NCAM2: variants seen among roughly 807,000 people sequenced by gnomAD.
NCAM2 encodes the protein neural cell adhesion molecule 2.
NCAM2 carries 30 observed loss-of-function variants against 98.1 expected under a neutral mutation model. The ratio of observed to expected loss-of-function variants is 0.31; its 90% CI spans 0.23 to 0.41. The LOEUF (loss-of-function observed/expected upper bound fraction) is 0.41. Ranked by LOEUF, NCAM2 falls within the 10% of genes least tolerant of loss-of-function variation. NCAM2 has a pLI of 1.00. For missense variants in NCAM2, 867 were observed against 1,005.8 expected (o/e 0.86, Z 1.87); for synonymous variants, 368 against 342.4 (o/e 1.07, Z -0.83).
At chr21:21,111,669 AGATTTG>A (rs1343167793) in intron 1 of NCAM2, among the ~76,000 whole-genome samples, 1 of 152,188 alleles carries the variant, frequency 6.6e-6, no homozygotes, top group African/African-American at 2.4e-5. Context: ...GATGCTTGGT[AGATTTG>A]GTGGAAGGGG....
chr21:21,153,750 A>G (rs559357397), intron 1 of NCAM2, among the ~76,000 whole-genome samples: 3 of 151,902 alleles, frequency 2.0e-5, no homozygotes, highest in African/African-American at 2.4e-5. Flanking sequence ...GTATTGAATG[A>G]TGGAGCTATG....
chr21:21,491,241 A>C (rs1986820983), intron 15 of NCAM2, among the ~76,000 whole-genome samples: 1 of 151,836 alleles, frequency 6.6e-6, no homozygotes, highest in Non-Finnish European at 1.5e-5. Context: ...TCTTCATAAA[A>C]ACATCGATCT....
intron 8 of NCAM2, among the ~76,000 whole-genome samples, chr21:21,365,797 T>G (rs1398605547): frequency 6.6e-6 from 1 of 152,024 alleles, no homozygotes; most frequent in Admixed American, 6.6e-5. Flanking sequence ...TTGGACGGGA[T>G]TAGTAGCATA....
chr21:21,303,702 G>A (rs149975687), intron 5 of NCAM2, among the ~76,000 whole-genome samples: 3 of 152,146 alleles, frequency 2.0e-5, no homozygotes, highest in Admixed American at 2.0e-4. Context: ...GTTTTCCAAA[G>A]TGATTGTACT....
intron 8 of NCAM2, among the ~76,000 whole-genome samples, chr21:21,362,522 A>G (rs1431592103): frequency 1.3e-5 from 2 of 151,962 alleles, no homozygotes; most frequent in Non-Finnish European, 2.9e-5. Flanking sequence ...CCTTCTGGGT[A>G]GCTGGGACTA....
chr21:21,530,175 T>A (rs5021235), intron 16 of NCAM2, among the ~76,000 whole-genome samples: 1 of 115,344 alleles, frequency 8.7e-6, no homozygotes, highest in Admixed American at 9.5e-5. Flanking sequence ...TTAATTTAAT[T>A]ATATATGATT....
chr21:21,198,283 A>G (rs554146300), intron 1 of NCAM2, among the ~76,000 whole-genome samples: 27 of 151,526 alleles, frequency 1.8e-4, no homozygotes, highest in African/African-American at 6.1e-4. Context: ...ACTGGATTCT[A>G]TCAATTTGCA....
chr21:21,369,992 C>G (rs2075878400), intron 8 of NCAM2, among the ~76,000 whole-genome samples: 1 of 151,574 alleles, frequency 6.6e-6, no homozygotes, highest in Non-Finnish European at 1.5e-5. Flanking sequence ...CTTTAACGAC[C>G]CCAAGTTTGA....
Position 21,398,651 on chromosome 21 carries a change from A to G in NCAM2, c.1196-11623A>G, listed in dbSNP as rs535992592. 3.9e-5 allele frequency among the ~76,000 whole-genome samples: 6 copies of G among 152,322 alleles called. No homozygotes were observed. The South Asian group carries it at 8.3e-4, about 21-fold the overall frequency. ...ATCTTTAAAAGGTTTTAAGCAGGAT[A>G]GTTACATTTGCTTAAAGTAGAAACT... On this transcript the variant is annotated intron_variant, in intron 9 of 17. Transcript: ENST00000400546.
chr21:21,178,186 T>A (rs2068356684), intron 1 of NCAM2, among the ~76,000 whole-genome samples: 1 of 152,272 alleles, frequency 6.6e-6, no homozygotes, highest in South Asian at 2.1e-4. Context: ...TCACATTTTT[T>A]AAATCAAAGC....
intron 1 of NCAM2, among the ~76,000 whole-genome samples, chr21:21,181,323 A>G (rs539137099): frequency 3.3e-5 from 5 of 152,122 alleles, no homozygotes; most frequent in Non-Finnish European, 7.4e-5. Flanking sequence ...CTGTCTCTTT[A>G]CCGACTTACC....
chr21:21,327,270 T>C (rs1033396267), intron 6 of NCAM2, among the ~76,000 whole-genome samples: 1 of 119,820 alleles, frequency 8.3e-6, no homozygotes, highest in Non-Finnish European at 1.6e-5. Flanking sequence ...TTCGCGCCAC[T>C]ACACTCCAGC....
At chr21:21,226,524 T>G (rs1332377857) in intron 1 of NCAM2, 1 of 152,060 alleles carries the variant, frequency 6.6e-6, no homozygotes, top group African/African-American at 2.4e-5. Context: ...CACAGGCAGT[T>G]TTGTTGGACT....
Position 21,542,550 on chromosome 21 carries a change from T to G in NCAM2, c.*4593T>G, listed in dbSNP as rs1275410445. On this transcript the variant is annotated 3_prime_UTR_variant, in exon 18 of 18. Coordinates refer to ENST00000400546, the MANE Select transcript of NCAM2 (RefSeq NM_004540.5). ...TTTTTTCTTTTCTGAAATGAAAACA[T>G]GAATCTTTTGGCATCTGTTTTTAGC... 2 of 151,870 alleles carry G rather than the reference T, an allele frequency of 1.3e-5. No individual in the cohort carries two copies. Among genetic ancestry groups the G allele is most frequent in the Non-Finnish European group, 2.9e-5 (2 of 67,864 alleles). The allele number at this position is 151,870 out of a possible 1,614,324, so 9.4% of individuals were successfully genotyped here.
chr21:21,104,936 A>G lies in NCAM2; in HGVS notation c.55+106318A>G, dbSNP rs116276227. 7.0e-3 allele frequency among the ~76,000 whole-genome samples: 1,069 copies of G among 152,208 alleles called. 13 individuals carry two copies. Among genetic ancestry groups the G allele is most frequent in the African/African-American group, 0.024 (987 of 41,526 alleles). On this transcript the variant is annotated intron_variant, in intron 1 of 17. Transcript: ENST00000400546. Reference sequence around the variant, plus strand: ...TGGGAGCAGCCCAGTGGGGAGGTTTACAAGGAGAAAAACTGAAATCTCTGC... The same window carrying G: ...TGGGAGCAGCCCAGTGGGGAGGTTTGCAAGGAGAAAAACTGAAATCTCTGC...
rs565772959 is a variant in NCAM2 at position 21,542,351 on chromosome 21, T to C, written c.*4394T>C. 1.3e-5 allele frequency: 2 copies of C among 151,818 alleles called. No individual in the cohort carries two copies. Among genetic ancestry groups the C allele is most frequent in the South Asian group, 2.1e-4 (1 of 4,826 alleles). The allele number at this position is 151,818 out of a possible 1,614,324, so 9.4% of individuals were successfully genotyped here. ...TATTATATATAATGCTAAATATTTATTTGATAACACAATATTCTTAGAAAA... is the reference window on the plus strand; with the variant it reads ...TATTATATATAATGCTAAATATTTACTTGATAACACAATATTCTTAGAAAA... On this transcript the variant is annotated 3_prime_UTR_variant, in exon 18 of 18. Transcript: ENST00000400546.
Position 21,332,046 on chromosome 21 carries a change from G to A in NCAM2, c.738-3459G>A, listed in dbSNP as rs1007416464. Among the ~76,000 whole-genome samples the A allele has an allele frequency of 4.0e-5, 6 of 151,786 alleles. No individual in the cohort carries two copies. The East Asian group carries it at 5.8e-4, about 15-fold the overall frequency. The stretch of plus-strand genomic sequence containing the variant: ...ACCTCCCAAGTAGCTGCGACTACAG[G>A]CGCCCACCACCACGCCCAGCTAATT... On this transcript the variant is annotated intron_variant, in intron 6 of 17. Transcript: ENST00000400546.
intron 9 of NCAM2, among the ~76,000 whole-genome samples, chr21:21,386,447 G>C (rs114692252): frequency 0.013 from 1,916 of 152,194 alleles, 43 homozygotes; most frequent in African/African-American, 0.044. Flanking sequence ...TGGTTCTACT[G>C]CCTGCAACTA....
chr21:21,121,460 T>G (rs2066673311), intron 1 of NCAM2, among the ~76,000 whole-genome samples: 1 of 152,190 alleles, frequency 6.6e-6, no homozygotes, highest in South Asian at 2.1e-4. Flanking sequence ...GCACCGTAAT[T>G]TTAGATTCAG....
Sources: gnomAD v4.1 joint callset for allele counts (sites outside exome capture counted in the v4.1 genomes callset) on GRCh38, gnomAD v4.1.1 for gene constraint, MANE v1.5 for transcripts, NCBI Gene and HGNC (gene_info 2026-07-23, HGNC 2026-07-21) for gene names.